Variants in KIAA1328 observed in about 807,000 individuals in gnomAD.
The protein encoded by KIAA1328 is KIAA1328.
In KIAA1328, 52 loss-of-function variants were observed where a neutral mutation model predicts 68.1. The ratio of observed to expected loss-of-function variants is 0.76; its 90% CI spans 0.61 to 0.96. The LOEUF (loss-of-function observed/expected upper bound fraction) is 0.96. Among genes scored for constraint, KIAA1328 ranks in the 40% least tolerant of loss-of-function variants. The probability of loss-of-function intolerance (pLI) is 0.00; values close to 1 mark genes in which losing one functional copy is unlikely to be tolerated. For missense variants in KIAA1328, 641 were observed against 677.6 expected (o/e 0.95, Z 0.60); for synonymous variants, 232 against 239.4 (o/e 0.97, Z 0.28).
At chr18:37,099,028 C>T (rs1380122557) in intron 7 of KIAA1328, among the ~76,000 whole-genome samples, 1 of 151,998 alleles carries the variant, frequency 6.6e-6, no homozygotes, top group Non-Finnish European at 1.5e-5. Flanking sequence ...AAAAACGGCT[C>T]CTGGATTCAT....
intron 6 of KIAA1328, among the ~76,000 whole-genome samples, chr18:37,014,006 G>GT (rs1184373124): frequency 6.6e-6 from 1 of 152,126 alleles, no homozygotes; most frequent in Non-Finnish European, 1.5e-5. Flanking sequence ...GCCAGCATCT[G>GT]TTTTTTTGTT....
chr18:37,006,011 AAGG>A (rs1190391021), intron 6 of KIAA1328, among the ~76,000 whole-genome samples: 5 of 151,986 alleles, frequency 3.3e-5, no homozygotes, highest in Non-Finnish European at 5.9e-5. Flanking sequence ...AGTAAGTTAG[AAGG>A]AGTAAATTCA....
At chr18:37,104,810 T>C (rs1378446349) in intron 7 of KIAA1328, among the ~76,000 whole-genome samples, 1 of 152,118 alleles carries the variant, frequency 6.6e-6, no homozygotes, top group Admixed American at 6.5e-5. Context: ...TCTCAATAAA[T>C]TGGCAAAATT....
intron 6 of KIAA1328, among the ~76,000 whole-genome samples, chr18:37,008,531 T>G (rs2053861393): frequency 6.6e-6 from 1 of 152,018 alleles, no homozygotes; most frequent in Non-Finnish European, 1.5e-5. Flanking sequence ...ACCCAGAAAA[T>G]TATAACCATC....
chr18:37,158,635 G>T (rs971140048), intron 7 of KIAA1328, among the ~76,000 whole-genome samples: 19 of 152,124 alleles, frequency 1.2e-4, no homozygotes, highest in African/African-American at 4.1e-4. Flanking sequence ...ACAAATGAAG[G>T]AAGAAATTTT....
At chr18:37,199,303 A>G (rs1030470256) in intron 9 of KIAA1328, among the ~76,000 whole-genome samples, 6 of 152,028 alleles carry the variant, frequency 3.9e-5, no homozygotes, top group African/African-American at 1.2e-4. Context: ...CTATGTGTCC[A>G]TGTGTTACCG....
In KIAA1328 at chr18:37,095,964, A is replaced by G. The variant is rs142202589; in HGVS notation, c.1232+28419A>G. 2.2e-3 allele frequency among the ~76,000 whole-genome samples: 332 copies of G among 152,350 alleles called. 1 individual carries two copies. The highest frequency in any genetic ancestry group is 7.6e-3 in the African/African-American group (315 of 41,598). On this transcript the variant is annotated intron_variant, in intron 7 of 9. Transcript: ENST00000280020. ...AGAAATTGAAAGCTCGAACAGACCA[A>G]TAATGAGTTACAAGATTGAACCAGT... is the stretch of plus-strand genomic sequence containing the variant.
At chr18:37,077,536 T>A (rs2056785092) in intron 7 of KIAA1328, among the ~76,000 whole-genome samples, 1 of 151,698 alleles carries the variant, frequency 6.6e-6, no homozygotes, top group Non-Finnish European at 1.5e-5. Context: ...AAAGAGGAAG[T>A]CAAATTGTCC....
At chr18:36,858,043 T>C (rs1207658480) in intron 4 of KIAA1328, among the ~76,000 whole-genome samples, 1 of 152,156 alleles carries the variant, frequency 6.6e-6, no homozygotes, top group Non-Finnish European at 1.5e-5. Context: ...GTTTTCAATA[T>C]TTATACTGAT....
intron 7 of KIAA1328, among the ~76,000 whole-genome samples, chr18:37,101,392 C>A (rs1321056753): frequency 6.6e-6 from 1 of 152,034 alleles, no homozygotes; most frequent in Non-Finnish European, 1.5e-5. Context: ...GTAGCCGATT[C>A]GATCAACTGG....
Position 37,224,226 on chromosome 18 carries a change from C to G in KIAA1328, c.*1999C>G. ...TCCAGACTCCAGTGTCCTTAAAACT[C>G]TGGAGTGAGAGGATGCCAGAGGATC... On this transcript the variant is annotated 3_prime_UTR_variant, in exon 10 of 10. Coordinates refer to ENST00000280020, the MANE Select transcript of KIAA1328 (RefSeq NM_020776.3). 1 of 985,436 alleles carries G rather than the reference C, an allele frequency of 1.0e-6. No homozygotes were observed. The allele number at this position is 985,436 out of a possible 1,614,324, so 61.0% of individuals were successfully genotyped here.
chr18:36,947,079 G>A (rs922784345), intron 5 of KIAA1328, among the ~76,000 whole-genome samples: 3 of 152,052 alleles, frequency 2.0e-5, no homozygotes, highest in East Asian at 1.9e-4. Context: ...CAGGAGAATC[G>A]CTTGAACTTG....
intron 7 of KIAA1328, among the ~76,000 whole-genome samples, chr18:37,092,353 C>T (rs1283378390): frequency 6.6e-6 from 1 of 152,024 alleles, no homozygotes; most frequent in East Asian, 1.9e-4. Context: ...TCTAGCATAC[C>T]ATTTGTCAGC....
chr18:37,012,113 G>A (rs139658604), intron 6 of KIAA1328, among the ~76,000 whole-genome samples: 48 of 152,226 alleles, frequency 3.2e-4, no homozygotes, highest in African/African-American at 1.0e-3. Context: ...ACGAAGAAGC[G>A]GGTTCTAGGT....
At chr18:36,873,775 G>A (rs376335946) in intron 4 of KIAA1328, among the ~76,000 whole-genome samples, 43 of 152,270 alleles carry the variant, frequency 2.8e-4, no homozygotes, top group African/African-American at 9.9e-4. Flanking sequence ...TGCCGTGGTG[G>A]TTTGCTGCAC....
At chr18:37,049,847 T>C (rs957887143) in intron 6 of KIAA1328, among the ~76,000 whole-genome samples, 1 of 152,218 alleles carries the variant, frequency 6.6e-6, no homozygotes, top group Non-Finnish European at 1.5e-5. Context: ...TAAATACTGT[T>C]TTTCAGAGAG....
intron 5 of KIAA1328, among the ~76,000 whole-genome samples, chr18:36,898,381 T>G (rs1300983403): frequency 1.3e-5 from 2 of 151,936 alleles, no homozygotes; most frequent in African/African-American, 4.8e-5. Context: ...GGATGTTTGT[T>G]GCTAAAAATA....
At chr18:36,968,589 A>C (rs1303278326) in intron 6 of KIAA1328, among the ~76,000 whole-genome samples, 1 of 152,214 alleles carries the variant, frequency 6.6e-6, no homozygotes, top group Non-Finnish European at 1.5e-5. Context: ...AAACCTAATT[A>C]GCCAAAATGT....
chr18:37,080,515 G>A (rs1252370990), intron 7 of KIAA1328, among the ~76,000 whole-genome samples: 2 of 152,058 alleles, frequency 1.3e-5, no homozygotes, highest in East Asian at 3.9e-4. Context: ...GGTGGCTCAC[G>A]CCTATAATCC....
Sources: allele counts gnomAD v4.1 joint callset (sites outside exome capture counted in the v4.1 genomes callset), GRCh38; gene constraint gnomAD v4.1.1; transcripts MANE v1.5; gene names NCBI Gene and HGNC (gene_info 2026-07-23, HGNC 2026-07-21).